The following SIPA1L2 variants were observed in gnomAD, a reference collection of about 807,000 sequenced individuals.
The protein encoded by SIPA1L2 is signal induced proliferation associated 1 like 2, also known as signal-induced proliferation-associated 1-like protein 2.
A neutral mutation model predicts 163.9 loss-of-function variants in SIPA1L2; 56 were observed. The observed-to-expected ratio is 0.34, with a 90% CI of 0.28 to 0.43. The LOEUF (loss-of-function observed/expected upper bound fraction) is 0.43. SIPA1L2 is among the 20% of genes least tolerant of loss of function. SIPA1L2 has a pLI of 1.00. For missense variants in SIPA1L2, 1,974 were observed against 2,193.5 expected (o/e 0.90, Z 2.00); for synonymous variants, 877 against 865.7 (o/e 1.01, Z -0.23).
At chr1:232,441,941 G>A in intron 12 of SIPA1L2, 73 bp from the exon 13 acceptor site, 1 of 1,310,924 alleles carries the variant, frequency 7.6e-7, no homozygotes, top group Non-Finnish European at 1.1e-6. Context: ...GGGAGTGCTG[G>A]CTTCCAAGTA....
intron 3 of SIPA1L2, among the ~76,000 whole-genome samples, chr1:232,501,321 C>T (rs1025625438): frequency 3.3e-5 from 5 of 151,994 alleles, no homozygotes; most frequent in Admixed American, 6.5e-5. Context: ...TTATATGCAC[C>T]GTGAAACCAA....
chr1:232,575,070 T>A (rs1046845762), intron 1 of SIPA1L2, among the ~76,000 whole-genome samples: 3 of 152,180 alleles, frequency 2.0e-5, no homozygotes, highest in African/African-American at 7.2e-5. Flanking sequence ...ATAATCAACG[T>A]AAGAATTTCT....
rs995611732 is a variant in SIPA1L2, at chr1:232,515,577, G to T, written c.-238C>A. On this transcript the variant is annotated 5_prime_UTR_variant, in exon 3 of 23. Transcript: ENST00000674635. ...TGTTCTTTTCAAAAGCATTCCTTAA[G>T]ACATCTGGCTGGTCATGAGTATTTC... 6 of 444,566 alleles carry T rather than the reference G, an allele frequency of 1.3e-5. No homozygotes were observed. Among genetic ancestry groups the T allele is most frequent in the Admixed American group, 3.9e-5 (1 of 25,746 alleles). 27.5% of individuals were successfully genotyped at this position (444,566 alleles called of 1,614,324 possible). A position where few individuals can be genotyped will look rare whatever the true frequency, so the allele number is the denominator to read the frequency against.
At chr1:232,591,973 C>T (rs529230581) in intron 1 of SIPA1L2, among the ~76,000 whole-genome samples, 1 of 152,296 alleles carries the variant, frequency 6.6e-6, no homozygotes, top group African/African-American at 2.4e-5. Flanking sequence ...CATAAAGGGC[C>T]ACTTCTATGG....
At chr1:232,617,953 A>G (rs1662589918) in intron 1 of SIPA1L2, among the ~76,000 whole-genome samples, 1 of 152,232 alleles carries the variant, frequency 6.6e-6, no homozygotes, top group African/African-American at 2.4e-5. Flanking sequence ...TCCAAAAAAT[A>G]AAATGGATTG....
At chr1:232,402,537 G>GAGCA in intron 21 of SIPA1L2, 64 bp from the exon 22 acceptor site, 2 of 1,403,594 alleles carry the variant, frequency 1.4e-6, no homozygotes, top group Non-Finnish European at 2.0e-6. Context: ...TGTTGGTCAA[G>GAGCA]TTTTCACTCG....
chr1:232,551,663 C>T (rs909462768), intron 2 of SIPA1L2, among the ~76,000 whole-genome samples: 2 of 152,124 alleles, frequency 1.3e-5, no homozygotes, highest in African/African-American at 4.8e-5. Context: ...TGCCCACAGC[C>T]CCAGAGAGCA....
At chr1:232,507,533 A>G (rs553323648) in intron 3 of SIPA1L2, among the ~76,000 whole-genome samples, 1 of 152,250 alleles carries the variant, frequency 6.6e-6, no homozygotes, top group African/African-American at 2.4e-5. Context: ...ACTGACTTAA[A>G]CTCTTATAAA....
At chr1:232,461,244 C>T in intron 9 of SIPA1L2, 83 bp from the exon 10 acceptor site, 1 of 1,531,030 alleles carries the variant, frequency 6.5e-7, no homozygotes, top group Non-Finnish European at 8.9e-7. Context: ...TATGGGCCTC[C>T]ATGCCAGCCC....
intron 1 of SIPA1L2, among the ~76,000 whole-genome samples, chr1:232,595,891 G>A (rs907535868): frequency 2.0e-5 from 3 of 152,124 alleles, no homozygotes; most frequent in South Asian, 2.1e-4. Flanking sequence ...ACCGAGGATC[G>A]AATGGGTCCA....
intron 10 of SIPA1L2, 77 bp downstream of exon 10, chr1:232,460,810 T>C: frequency 6.5e-7 from 1 of 1,528,358 alleles, no homozygotes; most frequent in East Asian, 2.3e-5. Flanking sequence ...CTGAGGACCT[T>C]GCAGGAGCAC....
At chr1:232,437,279 T>C (rs1291726101) in intron 15 of SIPA1L2, among the ~76,000 whole-genome samples, 2 of 152,158 alleles carry the variant, frequency 1.3e-5, no homozygotes, top group African/African-American at 2.4e-5. Context: ...CATCTCAACT[T>C]TGAACTAGAT....
intron 8 of SIPA1L2, 27 bp downstream of exon 8, chr1:232,471,344 A>G (rs769987868): frequency 3.2e-6 from 5 of 1,583,270 alleles, no homozygotes; most frequent in Non-Finnish European, 4.3e-6. Context: ...ACCTGGGAGA[A>G]TGATAGATCA....
rs1303470905 is a variant in SIPA1L2, at chr1:232,465,383, T to C, written c.2277A>G (p.Pro759=). The C allele has an allele frequency of 6.2e-7, 1 of 1,611,954 alleles. No individual in the cohort carries two copies. Among genetic ancestry groups the C allele is most frequent in the South Asian group, 1.1e-5 (1 of 90,978 alleles). The change falls in exon 9 of 23, where the codon CCA becomes CCG. Residue 759 remains proline, a synonymous_variant. Transcript: ENST00000674635. The surrounding 1 kb of genome is among the most constrained non-coding windows in gnomAD (Gnocchi z 4.1). ...CACCTTTGGGAATCGGTGGGCCAAA[T>C]GGTGGCACATCTTTTGATCTGGAAA... ...VGVSRSKDVP[P]FGPPIPKGVT... is the part of the protein sequence containing the mutation.
chr1:232,514,079 C>A lies in SIPA1L2; in HGVS notation c.1261G>T (p.Asp421Tyr), dbSNP rs769560150. ...GCTCGAGAGAGCGCAATCCGCCTGT[C>A]GCCTTCCCCTCCAGTCTCATTTCTA... ...YFRNETGGEG[D>Y]RRIALSRANS... Residue 421 changes from aspartate (D) to tyrosine (Y), a missense_variant, in exon 3 of 23, where the codon GAC becomes TAC. Physicochemically the swap from Asp to Tyr is radical, Grantham distance 160. Around this residue, in one of 3 missense-constraint regions of SIPA1L2, gnomAD observed 607 missense variants for 624.0 expected, o/e 0.97. Transcript: ENST00000674635. The A allele has an allele frequency of 3.1e-6, 5 of 1,614,034 alleles. No individual in the cohort carries two copies.
intron 21 of SIPA1L2, 27 bp from the exon 22 acceptor site, chr1:232,402,500 G>C (rs781139970): frequency 1.3e-6 from 2 of 1,591,486 alleles, no homozygotes; most frequent in African/African-American, 2.7e-5. Context: ...GAATTAGAAA[G>C]ATTCAAGAGA....
intron 19 of SIPA1L2, among the ~76,000 whole-genome samples, chr1:232,410,250 A>C (rs1660872101): frequency 1.3e-5 from 2 of 152,162 alleles, no homozygotes; most frequent in Admixed American, 1.3e-4. Context: ...GTATCTCTCA[A>C]ATCTTAATTT....
At chr1:232,604,562 A>G (rs1444420981) in intron 1 of SIPA1L2, among the ~76,000 whole-genome samples, 1 of 152,182 alleles carries the variant, frequency 6.6e-6, no homozygotes, top group Non-Finnish European at 1.5e-5. Flanking sequence ...AACTTGCCCA[A>G]GGTGGTGTAT....
Position 232,398,292 on chromosome 1 carries a change from A to G in SIPA1L2, c.*835T>C, listed in dbSNP as rs1471434671. 1 of 152,686 alleles carries G rather than the reference A, an allele frequency of 6.5e-6. No homozygotes were observed. The highest frequency in any genetic ancestry group is 2.4e-5 in the African/African-American group (1 of 41,468). The allele number at this position is 152,686 out of a possible 1,614,324, so 9.5% of individuals were successfully genotyped here. ...CAAAGATAAACAAATCTGGCATTGTACAAGTGGTTCCGCTGGCTCACAGCA... is the reference window on the plus strand; with the variant it reads ...CAAAGATAAACAAATCTGGCATTGTGCAAGTGGTTCCGCTGGCTCACAGCA... On this transcript the variant is annotated 3_prime_UTR_variant, in exon 23 of 23. Coordinates refer to ENST00000674635, the MANE Select transcript of SIPA1L2 (RefSeq NM_020808.5).
Sources: allele counts gnomAD v4.1 joint callset (sites outside exome capture counted in the v4.1 genomes callset), GRCh38; gene constraint gnomAD v4.1.1; regional missense constraint gnomAD v4.1.1; non-coding constraint Gnocchi (gnomAD v3.1); transcripts MANE v1.5; gene names NCBI Gene and HGNC (gene_info 2026-07-23, HGNC 2026-07-21).